ADGRL2: variants seen among roughly 807,000 people sequenced by gnomAD.
ADGRL2 encodes adhesion G protein-coupled receptor L2, also known as calcium-independent alpha-latrotoxin receptor 2.
Under a neutral mutation model 157.4 loss-of-function variants are expected in ADGRL2, and 44 were observed. The observed-to-expected ratio is 0.28, with a 90% CI of 0.22 to 0.36. ADGRL2 has a LOEUF of 0.36. Among genes scored for constraint, ADGRL2 ranks in the 10% least tolerant of loss-of-function variants. The pLI is 1.00. For missense variants in ADGRL2, 1,510 were observed against 1,768.9 expected, an observed-to-expected ratio of 0.85 and a Z score of 2.63; for synonymous variants, 585 against 624.7, an observed-to-expected ratio of 0.94 and a Z score of 0.95.
At chr1:81,439,793 G>C (rs1358638987) in intron 1 of ADGRL2, among the ~76,000 whole-genome samples, 1 of 152,236 alleles carries the variant, frequency 6.6e-6, no homozygotes, top group Non-Finnish European at 1.5e-5. Context: ...CTCCGCCACT[G>C]ATGGCAAAGG....
chr1:81,518,775 G>A (rs2079241017), intron 2 of ADGRL2, among the ~76,000 whole-genome samples: 1 of 147,878 alleles, frequency 6.8e-6, no homozygotes, highest in South Asian at 2.1e-4. Flanking sequence ...TCCAGCCTAA[G>A]TAACAGAGTG....
chr1:81,450,131 G>A (rs1260359611), intron 2 of ADGRL2, among the ~76,000 whole-genome samples: 1 of 152,208 alleles, frequency 6.6e-6, no homozygotes, highest in East Asian at 1.9e-4. Context: ...CAGAGAGAGG[G>A]TGGAGAGTAT....
At position 81,835,801 on chromosome 1, in the gene ADGRL2, CTG is replaced by C. The variant is rs540755509; in HGVS notation, c.-100-1081_-100-1080del. On this transcript the variant is annotated intron_variant, in intron 1 of 23. Coordinates refer to ENST00000686636, the MANE Select transcript of ADGRL2 (RefSeq NM_001366006.2). The stretch of plus-strand genomic sequence containing the variant: ...TAGGGAAGCATTTACATCTCTGAAA[CTG>C]TGGGCCTGAATGATTTCAGATTAAT... Among the ~76,000 whole-genome samples, 6 of 152,164 alleles carry C rather than the reference CTG, an allele frequency of 3.9e-5. No individual in the cohort carries two copies. In the South Asian group the frequency reaches 1.2e-3, roughly 32 times the overall value.
chr1:81,684,094 C>T (rs983389608), intron 3 of ADGRL2, among the ~76,000 whole-genome samples: 2 of 152,144 alleles, frequency 1.3e-5, no homozygotes, highest in East Asian at 1.9e-4. Flanking sequence ...GGATTACAGG[C>T]GTGAGCCACT....
At chr1:81,909,826 T>A (rs2094671865) in intron 3 of ADGRL2, among the ~76,000 whole-genome samples, 1 of 152,170 alleles carries the variant, frequency 6.6e-6, no homozygotes, top group Admixed American at 6.5e-5. Context: ...CACGTTCAAA[T>A]TCAGTATCAT....
intron 2 of ADGRL2, among the ~76,000 whole-genome samples, chr1:81,460,650 C>T (rs2077906710): frequency 6.6e-6 from 1 of 152,104 alleles, no homozygotes; most frequent in Admixed American, 6.5e-5. Flanking sequence ...TACTGTTTCC[C>T]CATTGACTGG....
chr1:81,718,715 C>T (rs1173519488), intron 1 of ADGRL2, among the ~76,000 whole-genome samples: 1 of 152,176 alleles, frequency 6.6e-6, no homozygotes, highest in African/African-American at 2.4e-5. Context: ...CCAATCTTCC[C>T]CAAAGCAGTT....
At chr1:81,613,418 G>A (rs563050426) in intron 3 of ADGRL2, among the ~76,000 whole-genome samples, 37 of 152,314 alleles carry the variant, frequency 2.4e-4, no homozygotes, top group African/African-American at 5.3e-4. Flanking sequence ...AGGTGAGGCC[G>A]TAACTGAATC....
chr1:81,577,043 G>A (rs908721333), intron 2 of ADGRL2, among the ~76,000 whole-genome samples: 3 of 152,038 alleles, frequency 2.0e-5, no homozygotes, highest in African/African-American at 4.8e-5. Context: ...ATCCTTCCAC[G>A]TTTACTCAAG....
intron 3 of ADGRL2, among the ~76,000 whole-genome samples, chr1:81,914,448 G>C (rs1572094541): frequency 6.6e-6 from 1 of 152,032 alleles, no homozygotes; most frequent in East Asian, 1.9e-4. Flanking sequence ...TTACTAGTCA[G>C]GGTTACTCTT....
chr1:81,835,284 A>G (rs1461322378), intron 1 of ADGRL2, among the ~76,000 whole-genome samples: 2 of 152,136 alleles, frequency 1.3e-5, no homozygotes, highest in African/African-American at 2.4e-5. Flanking sequence ...GCAGCACTTC[A>G]TCCACGCGTT....
intron 2 of ADGRL2, among the ~76,000 whole-genome samples, chr1:81,465,614 C>T (rs942120040): frequency 2.0e-5 from 3 of 151,984 alleles, no homozygotes; most frequent in Non-Finnish European, 4.4e-5. Context: ...TTTTCTAGAT[C>T]CCGCAAATGT....
chr1:81,931,364 A>C (rs1432146425), intron 3 of ADGRL2, among the ~76,000 whole-genome samples: 2 of 152,158 alleles, frequency 1.3e-5, no homozygotes, highest in Non-Finnish European at 2.9e-5. Context: ...TTATATTTGG[A>C]ATTCTCAGGT....
intron 1 of ADGRL2, among the ~76,000 whole-genome samples, chr1:81,393,760 TA>T (rs1442640186): frequency 6.7e-6 from 1 of 150,248 alleles, no homozygotes; most frequent in Non-Finnish European, 1.5e-5. Flanking sequence ...ATATAATAAA[TA>T]AACCTTAAAC....
chr1:81,553,979 C>G (rs4586018), intron 2 of ADGRL2, among the ~76,000 whole-genome samples: 1 of 152,022 alleles, frequency 6.6e-6, no homozygotes, highest in East Asian at 1.9e-4. Context: ...ATCTAAAGGC[C>G]CTGTAGATGA....
At chr1:81,776,191 A>ATTTTTTTT (rs34378166) in intron 2 of ADGRL2, among the ~76,000 whole-genome samples, 1 of 144,908 alleles carries the variant, frequency 6.9e-6, no homozygotes. Context: ...ACCTTAAAGC[A>ATTTTTTTT]TTTTTTTTTT....
intron 2 of ADGRL2, among the ~76,000 whole-genome samples, chr1:81,457,844 A>G (rs1207008151): frequency 6.6e-6 from 1 of 152,222 alleles, no homozygotes; most frequent in Non-Finnish European, 1.5e-5. Flanking sequence ...CAGGAGCTTT[A>G]GAATCATTAT....
chr1:81,317,548 G>A (rs1660193900), intron 1 of ADGRL2, among the ~76,000 whole-genome samples: 1 of 152,172 alleles, frequency 6.6e-6, no homozygotes, highest in Admixed American at 6.5e-5. Context: ...CATCTGCATA[G>A]TTTGTGGAAC....
At chr1:81,428,960 G>T (rs559187526) in intron 1 of ADGRL2, among the ~76,000 whole-genome samples, 1 of 152,170 alleles carries the variant, frequency 6.6e-6, no homozygotes, top group African/African-American at 2.4e-5. Flanking sequence ...ATATTTTAAG[G>T]TGTTGTTTTC....
Sources: allele counts gnomAD v4.1 joint callset (sites outside exome capture counted in the v4.1 genomes callset), GRCh38; gene constraint gnomAD v4.1.1; transcripts MANE v1.5; gene names NCBI Gene and HGNC (gene_info 2026-07-23, HGNC 2026-07-21).